The following PCGF2 variants were observed in gnomAD, a reference collection of about 807,000 sequenced individuals.
The protein encoded by PCGF2 is polycomb group RING finger protein 2.
A neutral mutation model predicts 36.1 loss-of-function variants in PCGF2; 8 were observed. That is an observed-to-expected ratio of 0.22 (90% CI 0.13 to 0.40). The LOEUF is 0.40. Among genes scored for constraint, PCGF2 ranks in the 10% least tolerant of loss-of-function variants. The pLI is 1.00. For missense variants in PCGF2, 436 were observed against 475.9 expected (o/e 0.92, Z 0.78); for synonymous variants, 198 against 191.2 (o/e 1.04, Z -0.29).
Position 38,734,332 on chromosome 17 carries a change from C to T in PCGF2, c.*891G>A, listed in dbSNP as rs1019205984. 1 of 152,418 alleles carries T rather than the reference C, an allele frequency of 6.6e-6. No individual in the cohort carries two copies. The highest frequency in any genetic ancestry group is 2.4e-5 in the African/African-American group (1 of 41,334). The allele number at this position is 152,418 out of a possible 1,614,324, so 9.4% of individuals were successfully genotyped here. A position where few individuals can be genotyped will look rare whatever the true frequency, so the allele number is the denominator to read the frequency against. ...CTGTGCTTGTGTGAGGTTAACCCAC[C>T]CCCACTTCCACTCTAGGCCCCAGGT... On this transcript the variant is annotated 3_prime_UTR_variant, in exon 11 of 11. Coordinates refer to ENST00000620225, the MANE Select transcript of PCGF2 (RefSeq NM_007144.3).
Position 38,736,812 on chromosome 17 carries a change from C to A in PCGF2, c.577-642G>T, listed in dbSNP as rs373727700. Among the ~76,000 whole-genome samples the A allele has an allele frequency of 2.0e-5, 3 of 151,766 alleles. 1 individual carries two copies. Among genetic ancestry groups the A allele is most frequent in the Middle Eastern group, 7.0e-3 (2 of 286 alleles). ...TAGTGCCCCTGAACTCCAGCCTGGG[C>A]GACAGAGCGAGACTCCGTCTCAAAA... On this transcript the variant is annotated intron_variant, in intron 9 of 10. Coordinates refer to ENST00000620225, the MANE Select transcript of PCGF2 (RefSeq NM_007144.3).
At position 38,738,879 on chromosome 17, in the gene PCGF2, T is replaced by C; in HGVS notation, c.317-18A>G. ...GTTGGGGACTGCAGAAGGAAAGAGC[T>C]CTCGGGTTGGCGGAGGATGTAGGAA... On this transcript the variant is annotated intron_variant, in intron 6 of 10. Coordinates refer to ENST00000620225, the MANE Select transcript of PCGF2 (RefSeq NM_007144.3). 6.2e-7 allele frequency: 1 copy of C among 1,606,902 alleles called. No individual in the cohort carries two copies. Among genetic ancestry groups the C allele is most frequent in the Non-Finnish European group, 8.5e-7 (1 of 1,174,020 alleles).
intron 9 of PCGF2, among the ~76,000 whole-genome samples, chr17:38,738,123 C>T (rs141304300): frequency 1.1e-4 from 17 of 152,318 alleles, no homozygotes; most frequent in African/African-American, 4.1e-4. Context: ...GAGTGTGCAA[C>T]ATGCACACAT....
intron 2 of PCGF2, among the ~76,000 whole-genome samples, chr17:38,745,998 C>T (rs1315087475): frequency 1.3e-5 from 2 of 152,136 alleles, no homozygotes; most frequent in Non-Finnish European, 2.9e-5. Flanking sequence ...TCCAACTGCG[C>T]AAGCCCCTTG....
Position 38,739,325 on chromosome 17 carries a change from G to T in PCGF2, c.210-72C>A. The stretch of plus-strand genomic sequence containing the variant: ...GCTCCGACCTCGCCCTGCTCTCCCA[G>T]CCAGGGTACCCCTCTTCCCACCCCC... On this transcript the variant is annotated intron_variant, in intron 4 of 10. Coordinates refer to ENST00000620225, the MANE Select transcript of PCGF2 (RefSeq NM_007144.3). The surrounding 1 kb of genome is among the most constrained non-coding windows in gnomAD (Gnocchi z 4.0). The T allele has an allele frequency of 1.5e-6, 2 of 1,376,144 alleles. No homozygotes were observed. The highest frequency in any genetic ancestry group is 1.0e-6 in the Non-Finnish European group (1 of 966,752). 85.2% of individuals were successfully genotyped at this position (1,376,144 alleles called of 1,614,324 possible).
chr17:38,743,198 C>T (rs1274424316), intron 2 of PCGF2, among the ~76,000 whole-genome samples: 3 of 150,020 alleles, frequency 2.0e-5, no homozygotes, highest in South Asian at 2.1e-4. Flanking sequence ...TCAAGTGATT[C>T]TTGTGCCTCA....
intron 2 of PCGF2, among the ~76,000 whole-genome samples, chr17:38,746,885 A>G (rs556382662): frequency 1.1e-4 from 16 of 152,360 alleles, no homozygotes; most frequent in African/African-American, 3.8e-4. Context: ...TTATGCTCCC[A>G]GTAATAACAC....
chr17:38,740,658 C>T (rs1907143031), intron 2 of PCGF2, among the ~76,000 whole-genome samples: 8 of 152,248 alleles, frequency 5.3e-5, no homozygotes, highest in Admixed American at 5.2e-4. Flanking sequence ...GCTTGGGAGG[C>T]TGAGGCAGGA....
chr17:38,747,616 G>C (rs1000556927), intron 2 of PCGF2, among the ~76,000 whole-genome samples: 1 of 152,024 alleles, frequency 6.6e-6, no homozygotes, highest in Admixed American at 6.5e-5. Context: ...GGGGGGAGGT[G>C]CCCGAGAGGA....
At position 38,735,517 on chromosome 17, in the gene PCGF2, G is replaced by A; in HGVS notation, c.741C>T (p.Gly247=). 1.3e-6 allele frequency: 2 copies of A among 1,590,924 alleles called. No individual in the cohort carries two copies. The highest frequency in any genetic ancestry group is 1.1e-5 in the South Asian group (1 of 87,608). ...ACTCGGACGCCCCGCTGGTGTTGGT[G>A]CCCTCGGAGGGGGTGGGCACCGTGG... ...TLATVPTPSE[G]TNTSGASECE... Residue 247 remains glycine, a synonymous_variant, in exon 11 of 11, where the codon GGC becomes GGT. Coordinates refer to ENST00000620225, the MANE Select transcript of PCGF2 (RefSeq NM_007144.3).
chr17:38,739,649 G>A lies in PCGF2; in HGVS notation c.146C>T (p.Thr49Ile). The A allele has an allele frequency of 6.2e-7, 1 of 1,614,092 alleles. No homozygotes were observed. Among genetic ancestry groups the A allele is most frequent in the Non-Finnish European group, 8.5e-7 (1 of 1,179,974 alleles). ...CKTCIVRYLETNKYCPMCDVQ... is the reference protein window; with the variant it reads ...CKTCIVRYLEINKYCPMCDVQ... Reference sequence around the variant, plus strand: ...GTCACACATGGGGCAGTATTTGTTGGTCTCCAGGTAGCGCACGATGCAGGT... The same window carrying A: ...GTCACACATGGGGCAGTATTTGTTGATCTCCAGGTAGCGCACGATGCAGGT... Residue 49 changes from threonine (T) to isoleucine (I), a missense_variant, in exon 4 of 11, where the codon ACC becomes ATC. Thr to Ile is a moderately conservative substitution (Grantham distance 89, BLOSUM62 -1). Coordinates refer to ENST00000620225, the MANE Select transcript of PCGF2 (RefSeq NM_007144.3). The surrounding 1 kb of genome is among the most constrained non-coding windows in gnomAD (Gnocchi z 4.0).
In PCGF2 at chr17:38,739,690, G is replaced by T. The variant is rs760100374; in HGVS notation, c.113-8C>A. On this transcript the variant is annotated splice_polypyrimidine_tract_variant and splice_region_variant and intron_variant, in intron 3 of 10. Transcript: ENST00000620225. The surrounding 1 kb of genome is among the most constrained non-coding windows in gnomAD (Gnocchi z 4.0). ...CGATGCAGGTTTTGCAGACTTGGGGGTGTGGAGAGAGAGAGGAGAGTCAGA... is the reference window on the plus strand; with the variant it reads ...CGATGCAGGTTTTGCAGACTTGGGGTTGTGGAGAGAGAGAGGAGAGTCAGA... 5.0e-6 allele frequency: 8 copies of T among 1,610,178 alleles called. 1 individual carries two copies. The highest frequency in any genetic ancestry group is 2.2e-5 in the South Asian group (2 of 91,020).
chr17:38,735,303 T>C lies in PCGF2; in HGVS notation c.955A>G (p.Asn319Asp). Residue 319 changes from asparagine (N) to aspartate (D), a missense_variant, in exon 11 of 11, where the codon AAC becomes GAC. By Grantham distance (23) the Asn-to-Asp change is conservative (BLOSUM62 1). Coordinates refer to ENST00000620225, the MANE Select transcript of PCGF2 (RefSeq NM_007144.3). ...GTGGAGGATGGTGTCTGCAGGCAGT[T>C]CAAGCTACCCCCGTTGGCAGCTGTG... is the stretch of plus-strand genomic sequence containing the variant. ...ATTAANGGSL[N>D]CLQTPSSTSR... 6.6e-7 allele frequency: 1 copy of C among 1,520,110 alleles called. No homozygotes were observed. Among genetic ancestry groups the C allele is most frequent in the South Asian group, 1.3e-5 (1 of 77,358 alleles). The allele number at this position is 1,520,110 out of a possible 1,614,324, so 94.2% of individuals were successfully genotyped here. A position where few individuals can be genotyped will look rare whatever the true frequency, so the allele number is the denominator to read the frequency against.
chr17:38,735,499 C>A lies in PCGF2; in HGVS notation c.759G>T (p.Ala253=). 1.3e-6 allele frequency: 2 copies of A among 1,593,278 alleles called. No homozygotes were observed. The highest frequency in any genetic ancestry group is 1.7e-6 in the Non-Finnish European group (2 of 1,170,188). ...TPSEGTNTSG[A]SECESVSDKA... ...TGTCGCTGACTGACTCACACTCGGA[C>A]GCCCCGCTGGTGTTGGTGCCCTCGG... The change falls in exon 11 of 11, where the codon GCG becomes GCT. Residue 253 remains alanine, a synonymous_variant. Coordinates refer to ENST00000620225, the MANE Select transcript of PCGF2 (RefSeq NM_007144.3).
At chr17:38,745,865 T>G (rs1432663274) in intron 2 of PCGF2, among the ~76,000 whole-genome samples, 3 of 152,152 alleles carry the variant, frequency 2.0e-5, no homozygotes, top group East Asian at 3.9e-4. Flanking sequence ...ACATGTTAAT[T>G]GCCTTACCCC....
At chr17:38,742,356 C>G (rs150512500) in intron 2 of PCGF2, among the ~76,000 whole-genome samples, 1 of 152,166 alleles carries the variant, frequency 6.6e-6, no homozygotes, top group African/African-American at 2.4e-5. Context: ...AATTCACAGC[C>G]GGGATCAGCA....
In PCGF2 at chr17:38,736,149, C is replaced by T. The variant is rs747215640; in HGVS notation, c.598G>A (p.Glu200Lys). 32 of 1,578,050 alleles carry T rather than the reference C, an allele frequency of 2.0e-5. No individual in the cohort carries two copies. Among genetic ancestry groups the T allele is most frequent in the Middle Eastern group, 1.7e-4 (1 of 6,034 alleles). The change falls in exon 10 of 11, where the codon GAG becomes AAG. Residue 200 changes from glutamate (E) to lysine (K), a missense_variant. Transcript: ENST00000620225. ...KYKVEVLYED[E>K]PLKEYYTLMD... is the part of the protein sequence containing the mutation. ...AGGGTGTAGTATTCCTTCAGTGGCT[C>T]GTCCTCGTACAGAACCTCCACCTGG...
Position 38,735,090 on chromosome 17 carries a change from T to C in PCGF2, c.*133A>G. 1.8e-6 allele frequency: 1 copy of C among 543,916 alleles called. No homozygotes were observed. The highest frequency in any genetic ancestry group is 3.0e-6 in the Non-Finnish European group (1 of 333,404). 33.7% of individuals were successfully genotyped at this position (543,916 alleles called of 1,614,324 possible). A position where few individuals can be genotyped will look rare whatever the true frequency, so the allele number is the denominator to read the frequency against. ...TTTCCTATGTACATATATATATATA[T>C]TTATTTATAAAACCCGCCCCCCACC... On this transcript the variant is annotated 3_prime_UTR_variant, in exon 11 of 11. Transcript: ENST00000620225.
At chr17:38,735,662 A>G in intron 10 of PCGF2, 62 bp from the exon 11 acceptor site, 2 of 1,470,524 alleles carry the variant, frequency 1.4e-6, no homozygotes, top group South Asian at 1.4e-5. Context: ...ACAGAGTCCA[A>G]CTAAAGGGCC....
Sources: gnomAD v4.1 joint callset for allele counts (sites outside exome capture counted in the v4.1 genomes callset) on GRCh38, gnomAD v4.1.1 for gene constraint, Gnocchi (gnomAD v3.1) non-coding constraint, MANE v1.5 for transcripts, NCBI Gene and HGNC (gene_info 2026-07-23, HGNC 2026-07-21) for gene names.